Variants in NF1 observed in about 807,000 individuals in gnomAD.
NF1 encodes the protein neurofibromin 1.
In NF1, 122 loss-of-function variants were observed where a neutral mutation model predicts 325.7. That is an observed-to-expected ratio of 0.37 (90% CI 0.32 to 0.44). NF1 has a LOEUF of 0.44. Among genes scored for constraint, NF1 ranks in the 20% least tolerant of loss-of-function variants. The pLI, the probability that NF1 is intolerant of heterozygous loss-of-function variation, is 1.00. For missense variants in NF1, 2,140 were observed against 3,415.4 expected (o/e 0.63, Z 9.31); for synonymous variants, 1,091 against 1,186.0 (o/e 0.92, Z 1.65).
chr17:31,155,147 T>C (rs545776390), intron 1 of NF1, among the ~76,000 whole-genome samples: 15 of 152,364 alleles, frequency 9.8e-5, no homozygotes, highest in African/African-American at 3.1e-4. Flanking sequence ...GAGAAAGTTA[T>C]ATTCAGGTTT....
chr17:31,357,060 G>A lies in NF1; in HGVS notation c.7839G>A (p.Pro2613=), dbSNP rs752218441. 2.5e-6 allele frequency: 4 copies of A among 1,613,636 alleles called. No homozygotes were observed. The highest frequency in any genetic ancestry group is 1.3e-5 in the African/African-American group (1 of 74,908). Residue 2613 remains proline (P), a synonymous_variant, in exon 53 of 58, where the codon CCG becomes CCA. Transcript: ENST00000358273. ...VLLDEEVLTD[P]KIQALLLTVL... ...TGGATGAAGAAGTACTTACTGATCC[G>A]AAGATCCAGGCGCTGCTTCTTACTG...
intron 36 of NF1, among the ~76,000 whole-genome samples, chr17:31,297,711 T>G (rs1222141478): frequency 6.6e-6 from 1 of 152,174 alleles, no homozygotes; most frequent in Non-Finnish European, 1.5e-5. Flanking sequence ...TTTTTTAATA[T>G]TATAAAAAAT....
At position 31,325,674 on chromosome 17, in the gene NF1, A is replaced by T. The variant is rs931764273; in HGVS notation, c.4836-146A>T. On this transcript the variant is annotated intron_variant, in intron 36 of 57. Coordinates refer to ENST00000358273, the MANE Select transcript of NF1 (RefSeq NM_001042492.3). ...TTTCTCAGTGTCCAAAAAACAACTG[A>T]TTTAAAAAATGAATCCAGACTTTGA... is the stretch of plus-strand genomic sequence containing the variant. 4.3e-6 allele frequency: 3 copies of T among 704,402 alleles called. No individual in the cohort carries two copies. In the East Asian group the frequency reaches 8.2e-5, roughly 19 times the overall value. 43.6% of individuals were successfully genotyped at this position (704,402 alleles called of 1,614,324 possible).
chr17:31,315,515 T>G (rs1257244834), intron 36 of NF1, among the ~76,000 whole-genome samples: 3 of 152,198 alleles, frequency 2.0e-5, no homozygotes, highest in Admixed American at 1.3e-4. Flanking sequence ...CTCATTACCC[T>G]TTAAATATAT....
intron 1 of NF1, among the ~76,000 whole-genome samples, chr17:31,145,453 A>G (rs1392140959): frequency 6.6e-6 from 1 of 151,992 alleles, no homozygotes; most frequent in East Asian, 1.9e-4. Flanking sequence ...CAGCCTCCCA[A>G]AGTGCTGGGA....
rs370592154 is a variant in NF1, at chr17:31,201,173, T to C, written c.1185+14T>C. 2 of 1,614,018 alleles carry C rather than the reference T, an allele frequency of 1.2e-6. No homozygotes were observed. The highest frequency in any genetic ancestry group is 1.7e-6 in the Non-Finnish European group (2 of 1,179,946). On this transcript the variant is annotated intron_variant, in intron 10 of 57. Coordinates refer to ENST00000358273, the MANE Select transcript of NF1 (RefSeq NM_001042492.3). ...CAACACTTTAAGGTGAGAGCATTGGTTTTTATCTAACTATATTTACTGATG... is the reference window on the plus strand; with the variant it reads ...CAACACTTTAAGGTGAGAGCATTGGCTTTTATCTAACTATATTTACTGATG...
intron 1 of NF1, among the ~76,000 whole-genome samples, chr17:31,142,292 A>G (rs571954411): frequency 6.6e-6 from 1 of 152,348 alleles, no homozygotes; most frequent in East Asian, 1.9e-4. Context: ...TTTCTATAAT[A>G]TAGCAAGAAA....
chr17:31,206,858 T>C (rs538194921), intron 12 of NF1, among the ~76,000 whole-genome samples: 3 of 152,256 alleles, frequency 2.0e-5, no homozygotes, highest in African/African-American at 7.2e-5. Context: ...TTTCAACAAA[T>C]ATGCCTTGAG....
intron 4 of NF1, among the ~76,000 whole-genome samples, chr17:31,168,461 A>G (rs958149491): frequency 5.3e-5 from 8 of 152,206 alleles, no homozygotes; most frequent in African/African-American, 1.7e-4. Flanking sequence ...ATTAAGATAC[A>G]AATAGGATGC....
chr17:31,198,630 G>A (rs1458479753), intron 8 of NF1, among the ~76,000 whole-genome samples: 4 of 151,612 alleles, frequency 2.6e-5, no homozygotes, highest in Non-Finnish European at 4.4e-5. Flanking sequence ...TGAGGGGGTG[G>A]GGGGGATAGA....
At position 31,260,507 on chromosome 17, in the gene NF1, C is replaced by A. The variant is rs1597747154; in HGVS notation, c.4569C>A (p.Ser1523=). ...AGGAGAAAATTGGGCAGTATCTTTC[C>A]AGCAACAGGTAAGATTTCCCAGTCA... is the stretch of plus-strand genomic sequence containing the variant. The part of the protein sequence containing the change: ...NNQEKIGQYL[S]SNRDHKAVGR... The change falls in exon 34 of 58, where the codon TCC becomes TCA. Residue 1523 remains serine (S), a synonymous_variant. Transcript: ENST00000358273. 1 of 1,613,872 alleles carries A rather than the reference C, an allele frequency of 6.2e-7. No individual in the cohort carries two copies.
chr17:31,260,974 G>A lies in NF1; in HGVS notation c.4577+459G>A, dbSNP rs1046051920. On this transcript the variant is annotated intron_variant, in intron 34 of 57. Coordinates refer to ENST00000358273, the MANE Select transcript of NF1 (RefSeq NM_001042492.3). ...ATAGAAAATACCGGCCTGGCACAGT[G>A]GATTACACCTATAATCTCAGCACTT... Among the ~76,000 whole-genome samples, 15 of 152,208 alleles carry A rather than the reference G, an allele frequency of 9.9e-5. 1 individual carries two copies. The highest frequency in any genetic ancestry group is 3.6e-4 in the African/African-American group (15 of 41,534).
chr17:31,349,696 G>A (rs939472123), intron 49 of NF1, among the ~76,000 whole-genome samples: 3 of 152,088 alleles, frequency 2.0e-5, no homozygotes, highest in African/African-American at 7.2e-5. Flanking sequence ...CATTCCTTAT[G>A]TCATTTTATC....
intron 47 of NF1, among the ~76,000 whole-genome samples, chr17:31,342,394 T>A (rs2069847937): frequency 6.6e-6 from 1 of 152,106 alleles, no homozygotes; most frequent in African/African-American, 2.4e-5. Flanking sequence ...GGTTAGGAGT[T>A]CGAGACCAGC....
chr17:31,202,123 TTAAA>T (rs1239065270), intron 11 of NF1, among the ~76,000 whole-genome samples: 2 of 152,204 alleles, frequency 1.3e-5, no homozygotes, highest in African/African-American at 4.8e-5. Context: ...TGTGGAGACA[TTAAA>T]TAGACAGCAA....
chr17:31,261,182 G>A (rs1188458339), intron 34 of NF1, among the ~76,000 whole-genome samples: 1 of 151,592 alleles, frequency 6.6e-6, no homozygotes, highest in Non-Finnish European at 1.5e-5. Context: ...GGCAGAGGTT[G>A]CAGTGATCCA....
chr17:31,147,789 G>C (rs540329994), intron 1 of NF1, among the ~76,000 whole-genome samples: 1 of 152,250 alleles, frequency 6.6e-6, no homozygotes, highest in African/African-American at 2.4e-5. Context: ...AAGCTGCAAG[G>C]CTTTCAAATT....
In NF1 at chr17:31,181,800, G is replaced by GT; in HGVS notation, c.730+15_730+16insT. 4 of 1,464,700 alleles carry GT rather than the reference G, an allele frequency of 2.7e-6. No homozygotes were observed. The highest frequency in any genetic ancestry group is 3.7e-6 in the Non-Finnish European group (4 of 1,073,130). The allele number at this position is 1,464,700 out of a possible 1,614,324, so 90.7% of individuals were successfully genotyped here. A position where few individuals can be genotyped will look rare whatever the true frequency, so the allele number is the denominator to read the frequency against. On this transcript the variant is annotated intron_variant, in intron 7 of 57. Coordinates refer to ENST00000358273, the MANE Select transcript of NF1 (RefSeq NM_001042492.3). ...TGATATGGCTGGTAAGGATACGATT[G>GT]ATTTTTTTTTTTTTTTTGTCTTTTA...
Position 31,360,553 on chromosome 17 carries a change from C to G in NF1, c.8227C>G (p.Leu2743Val), listed in dbSNP as rs1597870180. 1 of 1,614,076 alleles carries G rather than the reference C, an allele frequency of 6.2e-7. No individual in the cohort carries two copies. The highest frequency in any genetic ancestry group is 1.3e-5 in the African/African-American group (1 of 75,030). The change falls in exon 57 of 58, where the codon CTG becomes GTG. Residue 2743 changes from leucine (L) to valine (V), a missense_variant. Physicochemically the swap from Leu to Val is conservative, Grantham distance 32. Coordinates refer to ENST00000358273, the MANE Select transcript of NF1 (RefSeq NM_001042492.3). ...TCTTGATGCCTTGATTGACACGTAC[C>G]TGCCTGGAATTGATGAAGAAACCAG... ...KFLDALIDTY[L>V]PGIDEETSEE...
Sources: allele counts gnomAD v4.1 joint callset (sites outside exome capture counted in the v4.1 genomes callset), GRCh38; gene constraint gnomAD v4.1.1; transcripts MANE v1.5; gene names NCBI Gene and HGNC (gene_info 2026-07-23, HGNC 2026-07-21).